Variants in FRMD5 observed in about 807,000 individuals in gnomAD.
FRMD5 encodes FERM domain containing 5, also known as FERM domain-containing protein 5.
FRMD5 carries 20 observed loss-of-function variants against 69.0 expected under a neutral mutation model. That is an observed-to-expected ratio of 0.29 (90% CI 0.20 to 0.42). The LOEUF (loss-of-function observed/expected upper bound fraction) is 0.42. Ranked by LOEUF, FRMD5 falls within the 10% of genes least tolerant of loss-of-function variation. The pLI, the probability that FRMD5 is intolerant of heterozygous loss-of-function variation, is 1.00. For missense variants in FRMD5, 595 were observed against 708.6 expected, an observed-to-expected ratio of 0.84 and a Z score of 1.82; for synonymous variants, 271 against 260.1, an observed-to-expected ratio of 1.04 and a Z score of -0.40.
chr15:43,986,952 T>C (rs947056657), intron 1 of FRMD5, among the ~76,000 whole-genome samples: 4 of 152,202 alleles, frequency 2.6e-5, no homozygotes, highest in African/African-American at 7.2e-5. Context: ...TTATATGTTA[T>C]GTTAATCTGT....
intron 1 of FRMD5, among the ~76,000 whole-genome samples, chr15:43,973,564 C>T (rs555834613): frequency 1.8e-4 from 27 of 151,954 alleles, no homozygotes; most frequent in Admixed American, 3.3e-4. Flanking sequence ...GACGGGGTTT[C>T]ACCATGTTGG....
chr15:43,890,569 T>C (rs2140369794), intron 8 of FRMD5, among the ~76,000 whole-genome samples: 1 of 152,196 alleles, frequency 6.6e-6, no homozygotes, highest in East Asian at 1.9e-4. Flanking sequence ...GACCCCACAC[T>C]AGGAGGGCTG....
At chr15:44,184,160 C>T (rs192630324) in intron 1 of FRMD5, among the ~76,000 whole-genome samples, 16 of 152,194 alleles carry the variant, frequency 1.1e-4, no homozygotes, top group Non-Finnish European at 2.2e-4. Flanking sequence ...ACTCTAACTT[C>T]GGCTGTCTAA....
chr15:43,943,339 T>C (rs888928695), intron 1 of FRMD5, among the ~76,000 whole-genome samples: 2 of 152,174 alleles, frequency 1.3e-5, no homozygotes, highest in Non-Finnish European at 2.9e-5. Context: ...CTTGGTCTCC[T>C]AAAGTGTTGG....
At position 43,989,671 on chromosome 15, in the gene FRMD5, G is replaced by C; in HGVS notation, c.103-65362C>G. The C allele has an allele frequency of 6.4e-6, 6 of 940,702 alleles. No individual in the cohort carries two copies. In the South Asian group the frequency reaches 7.7e-5, roughly 12 times the overall value. 58.3% of individuals were successfully genotyped at this position (940,702 alleles called of 1,614,324 possible). ...GGCACACACGCAGGATGGCATGGGG[G>C]AGGGCATACTCTTCATAGATGGGCA... is the stretch of plus-strand genomic sequence containing the variant. On this transcript the variant is annotated intron_variant, in intron 1 of 13. Coordinates refer to ENST00000417257, the MANE Select transcript of FRMD5 (RefSeq NM_032892.5).
intron 1 of FRMD5, among the ~76,000 whole-genome samples, chr15:44,162,972 A>G (rs1381433215): frequency 1.3e-5 from 2 of 151,734 alleles, no homozygotes; most frequent in Admixed American, 6.6e-5. Flanking sequence ...CAGGAGATCG[A>G]GACCATCCTG....
At chr15:44,001,702 A>C (rs1402388101) in intron 1 of FRMD5, among the ~76,000 whole-genome samples, 1 of 150,814 alleles carries the variant, frequency 6.6e-6, no homozygotes, top group East Asian at 1.9e-4. Flanking sequence ...CGCTTCCCAC[A>C]CTCAAGTGAT....
At chr15:43,910,328 C>A (rs2089262874) in intron 4 of FRMD5, among the ~76,000 whole-genome samples, 1 of 152,072 alleles carries the variant, frequency 6.6e-6, no homozygotes, top group Non-Finnish European at 1.5e-5. Flanking sequence ...CCATCAGAGA[C>A]TGGCAAACTG....
At chr15:44,000,731 A>G (rs1890174060) in intron 1 of FRMD5, among the ~76,000 whole-genome samples, 1 of 152,226 alleles carries the variant, frequency 6.6e-6, no homozygotes, top group Non-Finnish European at 1.5e-5. Flanking sequence ...AAGTGCTGGG[A>G]TTACAGGTGT....
intron 1 of FRMD5, among the ~76,000 whole-genome samples, chr15:43,991,466 T>A (rs1889673398): frequency 6.6e-6 from 1 of 152,210 alleles, no homozygotes; most frequent in African/African-American, 2.4e-5. Flanking sequence ...CTGCTGCTGC[T>A]GCATTCTGTG....
intron 1 of FRMD5, among the ~76,000 whole-genome samples, chr15:43,966,854 T>C (rs1042622990): frequency 3.3e-5 from 5 of 152,194 alleles, no homozygotes; most frequent in African/African-American, 1.2e-4. Context: ...GGGAGTCACA[T>C]GATCCAAGTG....
chr15:43,879,149 G>A (rs2088454056), intron 13 of FRMD5, among the ~76,000 whole-genome samples: 1 of 151,964 alleles, frequency 6.6e-6, no homozygotes, highest in African/African-American at 2.4e-5. Context: ...TGTTGGCCAG[G>A]CTGGTCTGAG....
chr15:44,000,958 T>C (rs1376835729), intron 1 of FRMD5, among the ~76,000 whole-genome samples: 3 of 152,044 alleles, frequency 2.0e-5, no homozygotes, highest in African/African-American at 7.2e-5. Flanking sequence ...GAACTATAGG[T>C]GCGAGCCACC....
intron 1 of FRMD5, among the ~76,000 whole-genome samples, chr15:43,998,540 G>A (rs893454820): frequency 6.6e-6 from 1 of 152,128 alleles, no homozygotes; most frequent in Non-Finnish European, 1.5e-5. Flanking sequence ...CACAGAGAGG[G>A]TGTCTGTCAA....
intron 1 of FRMD5, among the ~76,000 whole-genome samples, chr15:44,137,265 G>C (rs2077201214): frequency 6.6e-6 from 1 of 152,254 alleles, no homozygotes; most frequent in South Asian, 2.1e-4. Context: ...GAATTCGGTA[G>C]CCACCAGTGT....
At chr15:44,172,279 T>C (rs574348048) in intron 1 of FRMD5, among the ~76,000 whole-genome samples, 16 of 150,274 alleles carry the variant, frequency 1.1e-4, no homozygotes, top group Admixed American at 3.3e-4. Flanking sequence ...TTTCTTTTTT[T>C]TTTTTTTTTA....
intron 1 of FRMD5, among the ~76,000 whole-genome samples, chr15:44,007,954 T>C (rs1383283494): frequency 1.3e-5 from 2 of 152,084 alleles, no homozygotes; most frequent in African/African-American, 4.8e-5. Flanking sequence ...GCTAATTTTT[T>C]TTAAAGAGAT....
intron 1 of FRMD5, among the ~76,000 whole-genome samples, chr15:44,000,421 T>C (rs1165323048): frequency 1.3e-5 from 2 of 152,148 alleles, no homozygotes; most frequent in Non-Finnish European, 2.9e-5. Context: ...TTTGGATATA[T>C]GCCCAGAAGT....
chr15:43,909,429 A>T (rs1452649440), intron 5 of FRMD5, among the ~76,000 whole-genome samples: 2 of 151,500 alleles, frequency 1.3e-5, no homozygotes, highest in Non-Finnish European at 2.9e-5. Flanking sequence ...AAACAAAAAA[A>T]ACTCTCTAAC....
Sources: allele counts gnomAD v4.1 joint callset (sites outside exome capture counted in the v4.1 genomes callset), GRCh38; gene constraint gnomAD v4.1.1; transcripts MANE v1.5; gene names NCBI Gene and HGNC (gene_info 2026-07-23, HGNC 2026-07-21).